KCNJ13: variants seen among roughly 807,000 people sequenced by gnomAD.
KCNJ13 encodes the protein inward rectifier potassium channel 13.
In KCNJ13, 9 loss-of-function variants were observed where a neutral mutation model predicts 24.6. That is an observed-to-expected ratio of 0.37 (90% confidence interval 0.22 to 0.64). KCNJ13 has a LOEUF of 0.64. Among genes scored for constraint, KCNJ13 ranks in the 30% least tolerant of loss-of-function variants. The pLI is 0.64. For synonymous variants in KCNJ13, 148 were observed against 154.7 expected, an observed-to-expected ratio of 0.96 and a Z score of 0.32; for missense variants, 337 against 443.8, an observed-to-expected ratio of 0.76 and a Z score of 2.16.
intron 1 of KCNJ13, among the ~76,000 whole-genome samples, chr2:232,774,396 G>A (rs1699423372): frequency 6.6e-6 from 1 of 152,156 alleles, no homozygotes; most frequent in Non-Finnish European, 1.5e-5. Flanking sequence ...AAGACTTGAA[G>A]ATTATCACAG....
chr2:232,769,472 C>T (rs1357650162), intron 2 of KCNJ13, among the ~76,000 whole-genome samples: 2 of 144,342 alleles, frequency 1.4e-5, no homozygotes, highest in African/African-American at 5.2e-5. Flanking sequence ...TAGCACTGCA[C>T]TCCAGCCTGG....
At chr2:232,775,591 G>T (rs1699479190) in intron 1 of KCNJ13, among the ~76,000 whole-genome samples, 1 of 152,062 alleles carries the variant, frequency 6.6e-6, no homozygotes, top group South Asian at 2.1e-4. Flanking sequence ...GCTGTGTGTG[G>T]GCTGTAAAAT....
Position 232,767,677 on chromosome 2 carries a change from AC to A in KCNJ13, c.*513del, listed in dbSNP as rs1434208770. On this transcript the variant is annotated 3_prime_UTR_variant, in exon 3 of 3. Transcript: ENST00000233826. Reference sequence around the variant, plus strand: ...GTTAAAAATTAAGGAGGTAATACTTACTCAAGTTTCATAGTATAAAGAACCA... The same window carrying A: ...GTTAAAAATTAAGGAGGTAATACTTATCAAGTTTCATAGTATAAAGAACCA... 1 of 160,114 alleles carries A rather than the reference AC, an allele frequency of 6.2e-6. No homozygotes were observed. Among genetic ancestry groups the A allele is most frequent in the Non-Finnish European group, 1.4e-5 (1 of 72,584 alleles). 9.9% of individuals were successfully genotyped at this position (160,114 alleles called of 1,614,324 possible).
At position 232,768,654 on chromosome 2, in the gene KCNJ13, A is replaced by T; in HGVS notation, c.620T>A (p.Val207Glu). The T allele has an allele frequency of 6.2e-7, 1 of 1,614,022 alleles. No homozygotes were observed. The highest frequency in any genetic ancestry group is 1.1e-5 in the South Asian group (1 of 91,052). ...SPLTSVRVSA[V>E]LYQERENGKL... Reference sequence around the variant, plus strand: ...GCCATTTTCTCTTTCCTGATAGAGTACAGCTGAGACCCGGACACTGGTTAG... The same window carrying T: ...GCCATTTTCTCTTTCCTGATAGAGTTCAGCTGAGACCCGGACACTGGTTAG... Residue 207 changes from valine to glutamate, a missense_variant, in exon 3 of 3, where the codon GTA (valine) becomes GAA (glutamate). Val to Glu is a moderately radical substitution (Grantham distance 121). Coordinates refer to ENST00000233826, the MANE Select transcript of KCNJ13 (RefSeq NM_002242.4).
rs1332656717 is a variant in KCNJ13, at chr2:232,773,487, A to C, written c.-16-2109T>G. On this transcript the variant is annotated intron_variant, in intron 1 of 2. Transcript: ENST00000233826. ...GCCAGTTAATTTTTTTTTTTAATAC[A>C]GGAAGCGTTTGGTGAAATAACAGTC... 2.0e-5 allele frequency among the ~76,000 whole-genome samples: 3 copies of C among 152,038 alleles called. No individual in the cohort carries two copies. In the East Asian group the frequency reaches 5.8e-4, roughly 29 times the overall value.
intron 2 of KCNJ13, 90 bp from the exon 3 acceptor site, chr2:232,768,903 A>T: frequency 8.4e-7 from 1 of 1,185,900 alleles, no homozygotes; most frequent in Non-Finnish European, 1.2e-6. Flanking sequence ...AAATATTTAC[A>T]CATTTCTTGG....
chr2:232,775,129 T>C (rs562900301), intron 1 of KCNJ13, among the ~76,000 whole-genome samples: 36 of 152,028 alleles, frequency 2.4e-4, no homozygotes, highest in Non-Finnish European at 4.3e-4. Context: ...TGGAGTAATA[T>C]AGAGAAGGAA....
intron 2 of KCNJ13, among the ~76,000 whole-genome samples, chr2:232,770,422 G>C (rs2106338395): frequency 6.6e-6 from 1 of 152,200 alleles, no homozygotes; most frequent in Middle Eastern, 3.4e-3. Context: ...GGTGTTCTGG[G>C]CTCACTGGCA....
intron 1 of KCNJ13, among the ~76,000 whole-genome samples, chr2:232,774,122 A>C (rs79039982): frequency 1.4e-5 from 2 of 141,100 alleles, no homozygotes; most frequent in African/African-American, 5.5e-5. Flanking sequence ...TCTCTAAAAG[A>C]AAAAAAAAAA....
chr2:232,776,061 G>T (rs1214032480), intron 1 of KCNJ13, among the ~76,000 whole-genome samples: 5 of 150,278 alleles, frequency 3.3e-5, no homozygotes, highest in Non-Finnish European at 7.4e-5. Flanking sequence ...AAAACAAAGT[G>T]GCTTATTCTT....
At chr2:232,775,235 G>A (rs1317533377) in intron 1 of KCNJ13, among the ~76,000 whole-genome samples, 1 of 152,042 alleles carries the variant, frequency 6.6e-6, no homozygotes, top group Admixed American at 6.6e-5. Context: ...CGCAGGATAA[G>A]GGGATATGGC....
chr2:232,769,231 T>C (rs750259775), intron 2 of KCNJ13, among the ~76,000 whole-genome samples: 1 of 152,064 alleles, frequency 6.6e-6, no homozygotes, highest in Non-Finnish European at 1.5e-5. Flanking sequence ...AGGGGACCAA[T>C]AGAATGAGTG....
At chr2:232,771,427 G>A in intron 1 of KCNJ13, 49 bp from the exon 2 acceptor site, 1 of 1,242,576 alleles carries the variant, frequency 8.0e-7, no homozygotes, top group East Asian at 2.4e-5. Flanking sequence ...TATAGTTAAT[G>A]TTTGTGAATT....
In KCNJ13 at chr2:232,766,066, C is replaced by T. The variant is rs1388782531; in HGVS notation, c.*2125G>A. The T allele has an allele frequency of 2.1e-6, 1 of 470,370 alleles. No individual in the cohort carries two copies. The highest frequency in any genetic ancestry group is 4.4e-6 in the Non-Finnish European group (1 of 226,668). The allele number at this position is 470,370 out of a possible 1,614,324, so 29.1% of individuals were successfully genotyped here. On this transcript the variant is annotated 3_prime_UTR_variant, in exon 3 of 3. Coordinates refer to ENST00000233826, the MANE Select transcript of KCNJ13 (RefSeq NM_002242.4). ...CCTTTTTCCATTGTTACTTCCTTTT[C>T]CTCAGAGGATAATGGTCTTTCTATA...
Position 232,768,313 on chromosome 2 carries a change from T to G in KCNJ13, c.961A>C (p.Thr321Pro). 6.2e-7 allele frequency: 1 copy of G among 1,614,174 alleles called. No individual in the cohort carries two copies. Among genetic ancestry groups the G allele is most frequent in the Non-Finnish European group, 8.5e-7 (1 of 1,180,020 alleles). The part of the protein sequence containing the change: ...YQIKMENFDK[T>P]VPEFPTPLVS... Reference sequence around the variant, plus strand: ...AGAGGAGTTGGAAATTCAGGGACAGTCTTGTCAAAATTCTCCATCTTGATT... The same window carrying G: ...AGAGGAGTTGGAAATTCAGGGACAGGCTTGTCAAAATTCTCCATCTTGATT... Residue 321 changes from threonine to proline, a missense_variant, in exon 3 of 3, where the codon ACT becomes CCT. This residue lies in a region of KCNJ13 where 235 missense variants were observed against 286.9 expected (regional missense o/e 0.82). Coordinates refer to ENST00000233826, the MANE Select transcript of KCNJ13 (RefSeq NM_002242.4).
chr2:232,767,933 C>A lies in KCNJ13; in HGVS notation c.*258G>T. On this transcript the variant is annotated 3_prime_UTR_variant, in exon 3 of 3. Transcript: ENST00000233826. ...GTATCATACCACATTCTTATAAATTCACCAGCAACATTTCTGTATAAGTGT... is the reference window on the plus strand; with the variant it reads ...GTATCATACCACATTCTTATAAATTAACCAGCAACATTTCTGTATAAGTGT... 1 of 460,910 alleles carries A rather than the reference C, an allele frequency of 2.2e-6. No homozygotes were observed. The highest frequency in any genetic ancestry group is 3.9e-6 in the Non-Finnish European group (1 of 253,288). 28.6% of individuals were successfully genotyped at this position (460,910 alleles called of 1,614,324 possible).
intron 2 of KCNJ13, among the ~76,000 whole-genome samples, chr2:232,770,391 C>G (rs1327998199): frequency 2.0e-5 from 3 of 152,134 alleles, no homozygotes; most frequent in African/African-American, 4.8e-5. Flanking sequence ...AACTTGTTCT[C>G]TAACATATAA....
At chr2:232,772,769 C>G (rs1474518953) in intron 1 of KCNJ13, among the ~76,000 whole-genome samples, 1 of 152,174 alleles carries the variant, frequency 6.6e-6, no homozygotes, top group Non-Finnish European at 1.5e-5. Flanking sequence ...GAGGTAGATA[C>G]CCTTGAGAGT....
rs1013792535 is a variant in KCNJ13 at position 232,767,117 on chromosome 2, T to G, written c.*1074A>C. The G allele has an allele frequency of 1.3e-5, 2 of 152,202 alleles. No individual in the cohort carries two copies. Among genetic ancestry groups the G allele is most frequent in the East Asian group, 1.9e-4 (1 of 5,202 alleles). 9.4% of individuals were successfully genotyped at this position (152,202 alleles called of 1,614,324 possible). ...TAGATTTAGAAAGAAATAATAGAGT[T>G]CATCTAGTCCAACCTCCTACTGGTG... On this transcript the variant is annotated 3_prime_UTR_variant, in exon 3 of 3. Transcript: ENST00000233826.
Sources: gnomAD v4.1 joint callset for allele counts (sites outside exome capture counted in the v4.1 genomes callset) on GRCh38, gnomAD v4.1.1 for gene constraint, gnomAD v4.1.1 regional missense constraint, MANE v1.5 for transcripts, NCBI Gene and HGNC (gene_info 2026-07-23, HGNC 2026-07-21) for gene names.